The following POMZP3 variants were observed in gnomAD, a reference collection of about 807,000 sequenced individuals.
The protein encoded by POMZP3 is POM121 and ZP3 fusion protein.
In POMZP3, 10 loss-of-function variants were observed where a neutral mutation model predicts 19.8. The observed-to-expected ratio is 0.51, with a 90% confidence interval of 0.31 to 0.86. POMZP3 has a LOEUF of 0.86. Among genes scored for constraint, POMZP3 ranks in the 40% least tolerant of loss-of-function variants. The pLI is 0.04. For missense variants in POMZP3, 152 were observed against 228.1 expected, an observed-to-expected ratio of 0.67 and a Z score of 2.15; for synonymous variants, 57 against 85.8, an observed-to-expected ratio of 0.66 and a Z score of 1.85.
chr7:76,625,075 G>A (rs1364345975), intron 3 of POMZP3, among the ~76,000 whole-genome samples: 3 of 142,572 alleles, frequency 2.1e-5, no homozygotes, highest in Non-Finnish European at 4.5e-5. Flanking sequence ...TGAGCTTGCA[G>A]TGAGCTGAGA....
intron 3 of POMZP3, 123 bp from the exon 4 acceptor site, chr7:76,618,423 A>C (rs1815368372): frequency 3.2e-6 from 3 of 943,650 alleles, no homozygotes; most frequent in African/African-American, 3.2e-5. Flanking sequence ...GGAGTTCGAG[A>C]CTAGCCTGGC....
At chr7:76,619,014 C>T (rs1482814654) in intron 3 of POMZP3, among the ~76,000 whole-genome samples, 2 of 152,122 alleles carry the variant, frequency 1.3e-5, no homozygotes, top group African/African-American at 2.4e-5. Flanking sequence ...TCTCAAACTC[C>T]TGGGCTCACG....
intron 3 of POMZP3, among the ~76,000 whole-genome samples, chr7:76,622,852 T>C (rs1290467125): frequency 4.6e-5 from 7 of 151,916 alleles, no homozygotes; most frequent in Non-Finnish European, 1.0e-4. Context: ...CGAGCCCTTT[T>C]TCTTTTTTAA....
chr7:76,617,766 T>C (rs1312630629), intron 4 of POMZP3, among the ~76,000 whole-genome samples: 1 of 88,902 alleles, frequency 1.1e-5, no homozygotes, highest in Admixed American at 1.1e-4. Context: ...CACTGCAACC[T>C]CTGCCTCCCA....
intron 3 of POMZP3, among the ~76,000 whole-genome samples, chr7:76,622,525 T>C (rs1610540): frequency 0.6 from 89,024 of 147,192 alleles, 28,324 homozygotes; most frequent in African/African-American, 0.78. Flanking sequence ...ATTACAGGTA[T>C]GCTGTAATTT....
intron 4 of POMZP3, among the ~76,000 whole-genome samples, chr7:76,612,259 A>G (rs2116847410): frequency 8.8e-6 from 1 of 113,144 alleles, no homozygotes; most frequent in Non-Finnish European, 1.9e-5. Context: ...CACTTACCCA[A>G]TGTTAGAGCA....
intron 3 of POMZP3, among the ~76,000 whole-genome samples, chr7:76,625,132 CAAAAAAAA>C (rs59816962): frequency 1.8e-5 from 1 of 54,388 alleles, no homozygotes; most frequent in African/African-American, 7.0e-5. Flanking sequence ...GACTCCAACT[CAAAAAAAA>C]AAAAAAAAAA....
At chr7:76,619,352 C>T (rs958064634) in intron 3 of POMZP3, among the ~76,000 whole-genome samples, 4 of 152,014 alleles carry the variant, frequency 2.6e-5, no homozygotes, top group South Asian at 4.2e-4. Context: ...CGTGCCATTG[C>T]ACTCCAGCCT....
chr7:76,622,550 G>A (rs886946211), intron 3 of POMZP3, among the ~76,000 whole-genome samples: 2 of 151,150 alleles, frequency 1.3e-5, no homozygotes, highest in African/African-American at 4.9e-5. Flanking sequence ...ATTTTTAGTA[G>A]AGACAGGGTT....
intron 4 of POMZP3, among the ~76,000 whole-genome samples, chr7:76,612,951 G>C (rs1815169266): frequency 1.6e-5 from 1 of 62,950 alleles, no homozygotes; most frequent in Non-Finnish European, 2.9e-5. Context: ...GAGTCTTGCT[G>C]TTGCCTAGGC....
intron 4 of POMZP3, among the ~76,000 whole-genome samples, chr7:76,613,507 C>CTTTTTTTTTTTTTTTTTTT (rs1193493149): frequency 1.5e-5 from 1 of 67,410 alleles, no homozygotes; most frequent in Admixed American, 1.5e-4. Flanking sequence ...CCCCCCTACC[C>CTTTTTTTTTTTTTTTTTTT]TTTTTTTTTT....
chr7:76,612,351 AC>A (rs1239831618), intron 4 of POMZP3, among the ~76,000 whole-genome samples: 2 of 95,194 alleles, frequency 2.1e-5, no homozygotes, highest in Non-Finnish European at 4.6e-5. Context: ...AACATGCTTG[AC>A]CCTGGGCTTC....
chr7:76,624,414 T>G (rs1041479498), intron 3 of POMZP3, among the ~76,000 whole-genome samples: 1 of 151,002 alleles, frequency 6.6e-6, no homozygotes, highest in South Asian at 2.1e-4. Flanking sequence ...AGAAAACTAT[T>G]CCATTTTCAT....
In POMZP3 at chr7:76,625,656, C is replaced by T; in HGVS notation, c.93G>A (p.Leu31=). 3.1e-6 allele frequency: 5 copies of T among 1,613,856 alleles called. No homozygotes were observed. The highest frequency in any genetic ancestry group is 4.2e-6 in the Non-Finnish European group (5 of 1,179,838). ...CTGGGGCATTACTTGATGGTGAGGACAGTGTTGAGCTGATTATCTGCTCTG... is the reference window on the plus strand; with the variant it reads ...CTGGGGCATTACTTGATGGTGAGGATAGTGTTGAGCTGATTATCTGCTCTG... ...AIPEQIISST[L]SSPSSNAPDP... Residue 31 remains leucine (L), a synonymous_variant, in exon 3 of 7, where the codon CTG becomes CTA. Transcript: ENST00000310842.
At chr7:76,614,020 C>T (rs1815207035) in intron 4 of POMZP3, among the ~76,000 whole-genome samples, 1 of 91,570 alleles carries the variant, frequency 1.1e-5, no homozygotes, top group Admixed American at 1.0e-4. Context: ...TGGCCGAGTA[C>T]ACCAGCAGAG....
chr7:76,618,527 A>C (rs1320645856), intron 3 of POMZP3: 1 of 589,810 alleles, frequency 1.7e-6, no homozygotes, highest in African/African-American at 1.9e-5. Context: ...AGGCTGAGGC[A>C]GGAGAATCGC....
intron 4 of POMZP3, among the ~76,000 whole-genome samples, chr7:76,614,678 A>G (rs1337363930): frequency 4.7e-5 from 4 of 84,850 alleles, no homozygotes; most frequent in African/African-American, 1.8e-4. Context: ...TGACCAACAT[A>G]GTGAAACCCC....
rs1815259225 is a variant in POMZP3 at position 76,615,739 on chromosome 7, C to G, written c.345+2444G>C. 4 of 84,646 alleles carry G rather than the reference C, an allele frequency of 4.7e-5. 2 individuals are homozygous for G. Among genetic ancestry groups the G allele is most frequent in the Admixed American group, 4.4e-4 (4 of 9,094 alleles). The allele number at this position is 84,646 out of a possible 1,614,324, so 5.2% of individuals were successfully genotyped here. ...GTGGCTCACGCCTGTAATCCCAGCA[C>G]TTTGGGAGGCCAAGGCAGGTGGATC... On this transcript the variant is annotated intron_variant, in intron 4 of 6. Coordinates refer to ENST00000310842, the MANE Select transcript of POMZP3 (RefSeq NM_012230.5).
intron 4 of POMZP3, among the ~76,000 whole-genome samples, chr7:76,613,392 C>T (rs1433961762): frequency 7.9e-6 from 1 of 127,268 alleles, no homozygotes; most frequent in African/African-American, 2.8e-5. Context: ...AACGTTTACC[C>T]ACCCTCGTTA....
Sources: allele counts gnomAD v4.1 joint callset (sites outside exome capture counted in the v4.1 genomes callset), GRCh38; gene constraint gnomAD v4.1.1; transcripts MANE v1.5; gene names NCBI Gene and HGNC (gene_info 2026-07-23, HGNC 2026-07-21).